The following GPR157 variants were observed in gnomAD, a reference collection of about 807,000 sequenced individuals.
GPR157 encodes the protein G protein-coupled receptor 157.
In GPR157, 16 loss-of-function variants were observed where a neutral mutation model predicts 23.5. The ratio of observed to expected loss-of-function variants is 0.68; its 90% CI spans 0.46 to 1.04. The LOEUF is 1.04. GPR157 is among the 50% of genes least tolerant of loss of function. GPR157 has a pLI of 0.00. For synonymous variants in GPR157, 200 were observed against 221.5 expected (o/e 0.90, Z 0.86); for missense variants, 440 against 460.7 (o/e 0.96, Z 0.41).
rs1557701263 is a variant in GPR157 at position 9,123,659 on chromosome 1, A to AATATATATTTAATATTAAATATATATTT, written c.383+4985_383+4986insAAATATATATTTAATATTAAATATATAT. On this transcript the variant is annotated intron_variant, in intron 1 of 3. Transcript: ENST00000377411. ...TATACATTAATATTAAATATATATT[A>AATATATATTTAATATTAAATATATATTT]AATATATATTTAATATTAAATATAT... 4.6e-5 allele frequency among the ~76,000 whole-genome samples: 5 copies of AATATATATTTAATATTAAATATATATTT among 109,150 alleles called. No individual in the cohort carries two copies. In the East Asian group the frequency reaches 1.3e-3, roughly 27 times the overall value. 71.6% of individuals were successfully genotyped at this position (109,150 alleles called of 152,430 possible).
Position 9,105,659 on chromosome 1 carries a change from G to A in GPR157, c.619C>T (p.Arg207Trp), listed in dbSNP as rs781735732. The A allele has an allele frequency of 1.1e-5, 17 of 1,611,194 alleles. No individual in the cohort carries two copies. The East Asian group carries it at 2.0e-4, about 19-fold the overall frequency. ...CGGTGCTCCTGGGAGAGGATGGGCC[G>A]GTACTCAGAGAGTGCCGTGTGCTGT... ...NRAHTALSEY[R>W]PILSQEHRLL... is the part of the protein sequence containing the mutation. Residue 207 changes from arginine (R) to tryptophan (W), a missense_variant, in exon 3 of 4, where the codon CGG (arginine) becomes TGG (tryptophan). Arg to Trp is a moderately radical substitution (Grantham distance 101, BLOSUM62 -3). Transcript: ENST00000377411. The surrounding 1 kb of genome is among the most constrained non-coding windows in gnomAD (Gnocchi z 4.8).
intron 1 of GPR157, among the ~76,000 whole-genome samples, chr1:9,119,964 C>T (rs74318679): frequency 0.011 from 1,678 of 152,236 alleles, 45 homozygotes; most frequent in African/African-American, 0.039. Flanking sequence ...GCAATGCTCT[C>T]GGTTTCCCTG....
At position 9,117,676 on chromosome 1, in the gene GPR157, C is replaced by T. The variant is rs183663465; in HGVS notation, c.384-6187G>A. Among the ~76,000 whole-genome samples the T allele has an allele frequency of 6.6e-5, 10 of 152,202 alleles. No homozygotes were observed. In the East Asian group the frequency reaches 1.9e-3, roughly 29 times the overall value. ...ACTGGGGAGGCTGAGGCAGGAGAATCACTTGAACCCGGGAGGTGGAGGTTG... is the reference window on the plus strand; with the variant it reads ...ACTGGGGAGGCTGAGGCAGGAGAATTACTTGAACCCGGGAGGTGGAGGTTG... On this transcript the variant is annotated intron_variant, in intron 1 of 3. Transcript: ENST00000377411.
rs540735609 is a variant in GPR157, at chr1:9,118,799, A to G, written c.384-7310T>C. On this transcript the variant is annotated intron_variant, in intron 1 of 3. Transcript: ENST00000377411. This position sits in a 1 kb window ranked among gnomAD's most constrained non-coding sequence, Gnocchi z 4.6. The stretch of plus-strand genomic sequence containing the variant: ...ACACCTGTAATCCCAGCACTCTGGG[A>G]GGCCAAAGGATCACTTGAACCCAGG... 3.2e-4 allele frequency among the ~76,000 whole-genome samples: 48 copies of G among 152,310 alleles called. No homozygotes were observed. Among genetic ancestry groups the G allele is most frequent in the African/African-American group, 1.2e-3 (48 of 41,574 alleles).
intron 1 of GPR157, among the ~76,000 whole-genome samples, chr1:9,114,306 G>A (rs1361209090): frequency 1.0e-4 from 13 of 129,472 alleles, no homozygotes; most frequent in Non-Finnish European, 4.6e-5. Context: ...TCCAGCCTGG[G>A]TGACGAAGTG....
intron 1 of GPR157, among the ~76,000 whole-genome samples, chr1:9,114,942 A>T (rs940419817): frequency 1.4e-5 from 2 of 141,974 alleles, no homozygotes; most frequent in Admixed American, 1.4e-4. Flanking sequence ...AAAAAAAAAA[A>T]GAATAAAAGA....
At position 9,116,968 on chromosome 1, in the gene GPR157, T is replaced by A. The variant is rs188495812; in HGVS notation, c.384-5479A>T. Reference sequence around the variant, plus strand: ...ATTGCCCAGGCTGGTCTTGAACTCCTGGCTTCAAGTTATCTTCTCGCCCTG... The same window carrying A: ...ATTGCCCAGGCTGGTCTTGAACTCCAGGCTTCAAGTTATCTTCTCGCCCTG... On this transcript the variant is annotated intron_variant, in intron 1 of 3. Transcript: ENST00000377411. Among the ~76,000 whole-genome samples, 3 of 152,192 alleles carry A rather than the reference T, an allele frequency of 2.0e-5. No individual in the cohort carries two copies. In the East Asian group the frequency reaches 5.8e-4, roughly 30 times the overall value.
chr1:9,102,030 T>C lies in GPR157; in HGVS notation c.*2389A>G, dbSNP rs1642572534. On this transcript the variant is annotated 3_prime_UTR_variant, in exon 4 of 4. Coordinates refer to ENST00000377411, the MANE Select transcript of GPR157 (RefSeq NM_024980.5). ...ATCCAGAATTCACTTACAGAGGCTA[T>C]TTCTGCCAAGTGGCTTTCCCTGGAG... is the stretch of plus-strand genomic sequence containing the variant. 6.6e-6 allele frequency: 1 copy of C among 152,206 alleles called. No homozygotes were observed. The highest frequency in any genetic ancestry group is 1.5e-5 in the Non-Finnish European group (1 of 68,038). The allele number at this position is 152,206 out of a possible 1,614,324, so 9.4% of individuals were successfully genotyped here. A position where few individuals can be genotyped will look rare whatever the true frequency, so the allele number is the denominator to read the frequency against.
At chr1:9,123,253 T>C (rs748086956) in intron 1 of GPR157, among the ~76,000 whole-genome samples, 13 of 26,812 alleles carry the variant, frequency 4.8e-4, no homozygotes, top group Non-Finnish European at 7.6e-4. Context: ...AATTTAAATA[T>C]ATATTTAAAT....
intron 1 of GPR157, among the ~76,000 whole-genome samples, chr1:9,116,339 T>A (rs367930967): frequency 0.066 from 913 of 13,916 alleles, 44 homozygotes; most frequent in East Asian, 0.11. Flanking sequence ...TTATATATAA[T>A]TTATATATAA....
chr1:9,123,232 A>ATT (rs1638844078), intron 1 of GPR157, among the ~76,000 whole-genome samples: 1 of 96,828 alleles, frequency 1.0e-5, no homozygotes, highest in African/African-American at 4.7e-5. Context: ...ATATATATTT[A>ATT]AATATATATT....
chr1:9,111,037 A>G (rs932128363), intron 2 of GPR157: 10 of 574,436 alleles, frequency 1.7e-5, no homozygotes, highest in Non-Finnish European at 3.2e-5. Flanking sequence ...TTCCTTATCT[A>G]CAAAGGAGTA....
At chr1:9,116,358 A>ATATAATATATAT (rs1436425911) in intron 1 of GPR157, among the ~76,000 whole-genome samples, 711 of 12,086 alleles carry the variant, frequency 0.059, 36 homozygotes, top group South Asian at 0.063. Flanking sequence ...AATTATATAT[A>ATATAATATATAT]AATTATATAT....
chr1:9,114,894 C>T (rs1638600928), intron 1 of GPR157, among the ~76,000 whole-genome samples: 2 of 142,428 alleles, frequency 1.4e-5, no homozygotes, highest in South Asian at 4.4e-4. Context: ...GCACTTCAGC[C>T]TGGGTGACAG....
At chr1:9,104,697 T>C in intron 3 of GPR157, 63 bp from the exon 4 acceptor site, 1 of 1,268,536 alleles carries the variant, frequency 7.9e-7, no homozygotes, top group Non-Finnish European at 1.1e-6. Flanking sequence ...ACACGCGCTG[T>C]TGCAATTAAG....
chr1:9,105,393 G>A lies in GPR157; in HGVS notation c.792+93C>T. Reference sequence around the variant, plus strand: ...TCCTCCCTGCAGCTGTGCCTTGGCCGACACTGGGGTGCAGCCACTGTGCTG... The same window carrying A: ...TCCTCCCTGCAGCTGTGCCTTGGCCAACACTGGGGTGCAGCCACTGTGCTG... On this transcript the variant is annotated intron_variant, in intron 3 of 3. Transcript: ENST00000377411. This position sits in a 1 kb window ranked among gnomAD's most constrained non-coding sequence, Gnocchi z 4.8. 2.5e-6 allele frequency: 3 copies of A among 1,213,392 alleles called. No individual in the cohort carries two copies. The highest frequency in any genetic ancestry group is 1.5e-5 in the South Asian group (1 of 64,630). The allele number at this position is 1,213,392 out of a possible 1,614,324, so 75.2% of individuals were successfully genotyped here.
At chr1:9,111,831 G>T (rs1026411615) in intron 1 of GPR157, among the ~76,000 whole-genome samples, 6 of 152,174 alleles carry the variant, frequency 3.9e-5, no homozygotes, top group Non-Finnish European at 7.3e-5. Flanking sequence ...TTAGCTGGGC[G>T]TGGTGGTGCA....
intron 1 of GPR157, among the ~76,000 whole-genome samples, chr1:9,123,060 G>A (rs941820275): frequency 5.3e-5 from 8 of 150,634 alleles, no homozygotes; most frequent in Non-Finnish European, 1.0e-4. Flanking sequence ...GAAGGCTGAG[G>A]CAGGAGAGTC....
rs151037117 is a variant in GPR157, at chr1:9,105,003, A to C, written c.793-369T>G. On this transcript the variant is annotated intron_variant, in intron 3 of 3. Transcript: ENST00000377411. The surrounding 1 kb of genome is among the most constrained non-coding windows in gnomAD (Gnocchi z 4.8). Reference sequence around the variant, plus strand: ...TGACAAAGCCAGACTCTGTCCCCGCACCCCCCCCCAAAAAAGAGAAATGGC... The same window carrying C: ...TGACAAAGCCAGACTCTGTCCCCGCCCCCCCCCCCAAAAAAGAGAAATGGC... 6.6e-3 allele frequency among the ~76,000 whole-genome samples: 724 copies of C among 109,432 alleles called. 1 individual carries two copies. Among genetic ancestry groups the C allele is most frequent in the Admixed American group, 1.0e-2 (101 of 10,138 alleles). 71.8% of individuals were successfully genotyped at this position (109,432 alleles called of 152,430 possible). A position where few individuals can be genotyped will look rare whatever the true frequency, so the allele number is the denominator to read the frequency against.
Sources: allele counts gnomAD v4.1 joint callset (sites outside exome capture counted in the v4.1 genomes callset), GRCh38; gene constraint gnomAD v4.1.1; non-coding constraint Gnocchi (gnomAD v3.1); transcripts MANE v1.5; gene names NCBI Gene and HGNC (gene_info 2026-07-23, HGNC 2026-07-21).